CDADC1: variants seen among roughly 807,000 people sequenced by gnomAD.
CDADC1 encodes cytidine and dCMP deaminase domain containing 1.
CDADC1 carries 39 observed loss-of-function variants against 54.9 expected under a neutral mutation model. That is an observed-to-expected ratio of 0.71 (90% confidence interval 0.55 to 0.93). CDADC1 has a LOEUF of 0.93. Ranked by LOEUF, CDADC1 falls within the 40% of genes least tolerant of loss-of-function variation. The pLI, the probability that CDADC1 is intolerant of heterozygous loss-of-function variation, is 0.00. For missense variants in CDADC1, 518 were observed against 618.8 expected, an observed-to-expected ratio of 0.84 and a Z score of 1.73; for synonymous variants, 186 against 204.0, an observed-to-expected ratio of 0.91 and a Z score of 0.75.
intron 2 of CDADC1, among the ~76,000 whole-genome samples, chr13:49,252,163 C>T (rs1019525408): frequency 3.3e-5 from 5 of 152,232 alleles, no homozygotes; most frequent in Non-Finnish European, 7.3e-5. Context: ...GGTCCTGGAG[C>T]ATGCCCAGCT....
Position 49,248,176 on chromosome 13 carries a change from T to G in CDADC1, c.82+57T>G. On this transcript the variant is annotated intron_variant, in intron 1 of 9. Transcript: ENST00000251108. The stretch of plus-strand genomic sequence containing the variant: ...TACCTTTCGCTCTGCCCTGTGCGTC[T>G]CCCGTCATTGAACTCCAGATTCCTT... The G allele has an allele frequency of 5.7e-6, 8 of 1,411,792 alleles. No individual in the cohort carries two copies. In the South Asian group the frequency reaches 8.6e-5, roughly 15 times the overall value. The allele number at this position is 1,411,792 out of a possible 1,614,324, so 87.5% of individuals were successfully genotyped here.
At position 49,291,826 on chromosome 13, in the gene CDADC1, C is replaced by A; in HGVS notation, c.*69C>A. On this transcript the variant is annotated 3_prime_UTR_variant, in exon 10 of 10. Coordinates refer to ENST00000251108, the MANE Select transcript of CDADC1 (RefSeq NM_030911.4). ...TGCACTTCTAAAATTCAGCCTTGTT[C>A]ATTCAGAAAATAAGGATGGATTTTG... 1 of 1,554,002 alleles carries A rather than the reference C, an allele frequency of 6.4e-7. No homozygotes were observed.
intron 5 of CDADC1, among the ~76,000 whole-genome samples, chr13:49,272,656 TC>T (rs375931642): frequency 4.7e-5 from 7 of 149,638 alleles, no homozygotes; most frequent in Admixed American, 2.7e-4. Context: ...GATTTCTTTT[TC>T]TTTTTTTTTT....
intron 6 of CDADC1, among the ~76,000 whole-genome samples, chr13:49,276,780 C>T (rs1257487838): frequency 6.6e-6 from 1 of 152,208 alleles, no homozygotes; most frequent in East Asian, 1.9e-4. Flanking sequence ...CTTACCCTCC[C>T]CAGACTAGAA....
Position 49,250,425 on chromosome 13 carries a change from A to G in CDADC1, c.177+1460A>G, listed in dbSNP as rs146748863. On this transcript the variant is annotated intron_variant, in intron 2 of 9. Transcript: ENST00000251108. ...GAGTGAGTACATAGTATAAGCAGAGATGTTGGCAAGACTGGGAGCCAGGCT... is the reference window on the plus strand; with the variant it reads ...GAGTGAGTACATAGTATAAGCAGAGGTGTTGGCAAGACTGGGAGCCAGGCT... Among the ~76,000 whole-genome samples the G allele has an allele frequency of 3.1e-3, 476 of 152,338 alleles. 2 individuals carry two copies. Among genetic ancestry groups the G allele is most frequent in the African/African-American group, 0.01 (432 of 41,586 alleles).
At chr13:49,270,845 A>G (rs1952947880) in intron 5 of CDADC1, among the ~76,000 whole-genome samples, 1 of 152,240 alleles carries the variant, frequency 6.6e-6, no homozygotes, top group Non-Finnish European at 1.5e-5. Context: ...TTATATATGT[A>G]TCTCATTTAA....
rs1953763792 is a variant in CDADC1, at chr13:49,293,370, T to C, written c.*1613T>C. Reference sequence around the variant, plus strand: ...AGAAGCATACAAGTGGGAAAAACTGTGATTAGAAAGGGAAAAATAGGCATT... The same window carrying C: ...AGAAGCATACAAGTGGGAAAAACTGCGATTAGAAAGGGAAAAATAGGCATT... On this transcript the variant is annotated 3_prime_UTR_variant, in exon 10 of 10. Coordinates refer to ENST00000251108, the MANE Select transcript of CDADC1 (RefSeq NM_030911.4). 1 of 152,158 alleles carries C rather than the reference T, an allele frequency of 6.6e-6. No homozygotes were observed. The highest frequency in any genetic ancestry group is 1.5e-5 in the Non-Finnish European group (1 of 68,016). 9.4% of individuals were successfully genotyped at this position (152,158 alleles called of 1,614,324 possible).
At chr13:49,265,849 C>T (rs1952802396) in intron 4 of CDADC1, 1 of 1,299,410 alleles carries the variant, frequency 7.7e-7, no homozygotes, top group Admixed American at 2.3e-5. Flanking sequence ...AAATGTCTGT[C>T]TAAAGAGGAT....
intron 5 of CDADC1, among the ~76,000 whole-genome samples, 172 bp downstream of exon 5, chr13:49,268,231 GT>G (rs1232055755): frequency 1.3e-5 from 2 of 152,148 alleles, no homozygotes; most frequent in Non-Finnish European, 2.9e-5. Context: ...TCTCCCAGCA[GT>G]TTTGGGATTC....
intron 8 of CDADC1, among the ~76,000 whole-genome samples, chr13:49,281,536 T>A (rs921451341): frequency 5.3e-5 from 8 of 152,040 alleles, no homozygotes; most frequent in Non-Finnish European, 8.8e-5. Flanking sequence ...AGGGTTCTGC[T>A]CCTATGAGAA....
chr13:49,250,470 A>G (rs1952401513), intron 2 of CDADC1, among the ~76,000 whole-genome samples: 1 of 152,218 alleles, frequency 6.6e-6, no homozygotes, highest in African/African-American at 2.4e-5. Flanking sequence ...GAAGTGAAGG[A>G]AGGATTCACA....
At chr13:49,275,432 T>G (rs923885497) in intron 6 of CDADC1, among the ~76,000 whole-genome samples, 5 of 150,474 alleles carry the variant, frequency 3.3e-5, no homozygotes, top group African/African-American at 1.2e-4. Context: ...TTCTTGAAGA[T>G]TAGGAGGATA....
intron 9 of CDADC1, among the ~76,000 whole-genome samples, chr13:49,287,670 T>C (rs1181557963): frequency 6.6e-6 from 1 of 152,088 alleles, no homozygotes; most frequent in African/African-American, 2.4e-5. Flanking sequence ...AGAATATCTG[T>C]TCATTAAAAT....
chr13:49,289,009 A>C (rs1953610907), intron 9 of CDADC1, among the ~76,000 whole-genome samples: 1 of 151,922 alleles, frequency 6.6e-6, no homozygotes, highest in Non-Finnish European at 1.5e-5. Context: ...GTCTGCTGCA[A>C]GGTGAGTGAA....
rs768347527 is a variant in CDADC1 at position 49,292,870 on chromosome 13, C to T, written c.*1113C>T. 5.0e-5 allele frequency: 49 copies of T among 982,070 alleles called. 1 individual carries two copies. Among genetic ancestry groups the T allele is most frequent in the South Asian group, 3.6e-4 (24 of 66,534 alleles). 60.8% of individuals were successfully genotyped at this position (982,070 alleles called of 1,614,324 possible). On this transcript the variant is annotated 3_prime_UTR_variant, in exon 10 of 10. Transcript: ENST00000251108. ...CCTCTGCTTTTGTTCCCTGCCTTTCCGCCACATCACACGGCCTCACTGGGC... is the reference window on the plus strand; with the variant it reads ...CCTCTGCTTTTGTTCCCTGCCTTTCTGCCACATCACACGGCCTCACTGGGC...
chr13:49,286,397 G>T (rs1191795817), intron 9 of CDADC1, 115 bp downstream of exon 9: 8 of 758,920 alleles, frequency 1.1e-5, no homozygotes, highest in South Asian at 7.2e-5. Context: ...TATTTTTGAA[G>T]GTTAGATTTT....
chr13:49,285,814 T>A (rs1217744519), intron 8 of CDADC1, among the ~76,000 whole-genome samples: 1 of 139,428 alleles, frequency 7.2e-6, no homozygotes, highest in Non-Finnish European at 1.5e-5. Context: ...TCTATTTTTT[T>A]AATTTTTTTT....
At chr13:49,288,241 GTTAAGT>G (rs1223098901) in intron 9 of CDADC1, among the ~76,000 whole-genome samples, 12 of 152,314 alleles carry the variant, frequency 7.9e-5, no homozygotes, top group East Asian at 7.7e-4. Context: ...CAACTGAACA[GTTAAGT>G]TTATGTTTAT....
At chr13:49,263,112 T>C (rs1022703818) in intron 4 of CDADC1, among the ~76,000 whole-genome samples, 7 of 152,336 alleles carry the variant, frequency 4.6e-5, no homozygotes, top group Middle Eastern at 3.4e-3. Context: ...GACTGACTTA[T>C]CTACTTTTTT....
Sources: allele counts gnomAD v4.1 joint callset (sites outside exome capture counted in the v4.1 genomes callset), GRCh38; gene constraint gnomAD v4.1.1; transcripts MANE v1.5; gene names NCBI Gene and HGNC (gene_info 2026-07-23, HGNC 2026-07-21).